Variants in MDGA2 observed in about 807,000 individuals in gnomAD.
The protein encoded by MDGA2 is MAM domain containing glycosylphosphatidylinositol anchor 2.
A neutral mutation model predicts 117.8 loss-of-function variants in MDGA2; 40 were observed. That is an observed-to-expected ratio of 0.34 (90% CI 0.26 to 0.44). The LOEUF (loss-of-function observed/expected upper bound fraction) is 0.44. MDGA2 is among the 20% of genes least tolerant of loss of function. The probability of loss-of-function intolerance (pLI) is 1.00; values close to 1 mark genes in which losing one functional copy is unlikely to be tolerated. For missense variants in MDGA2, 1,123 were observed against 1,250.6 expected, an observed-to-expected ratio of 0.90 and a Z score of 1.54; for synonymous variants, 452 against 439.0, an observed-to-expected ratio of 1.03 and a Z score of -0.37.
chr14:47,151,682 A>T (rs1883169507), intron 3 of MDGA2, among the ~76,000 whole-genome samples: 1 of 151,924 alleles, frequency 6.6e-6, no homozygotes, highest in Non-Finnish European at 1.5e-5. Flanking sequence ...ATATTATTTT[A>T]AAAGTGTATG....
chr14:47,483,197 A>T (rs187658301), intron 1 of MDGA2, among the ~76,000 whole-genome samples: 5 of 152,068 alleles, frequency 3.3e-5, no homozygotes, highest in African/African-American at 1.2e-4. Flanking sequence ...AAAACATTTA[A>T]TATCTATTGT....
intron 1 of MDGA2, among the ~76,000 whole-genome samples, chr14:47,657,671 T>C (rs1390416718): frequency 6.6e-6 from 1 of 152,182 alleles, no homozygotes; most frequent in Non-Finnish European, 1.5e-5. Flanking sequence ...TTTCAGAATA[T>C]GTGATATACC....
At chr14:47,663,079 T>C (rs984827313) in intron 1 of MDGA2, among the ~76,000 whole-genome samples, 6 of 152,258 alleles carry the variant, frequency 3.9e-5, no homozygotes, top group African/African-American at 1.4e-4. Flanking sequence ...AATAATGGCG[T>C]AGAGTAACCC....
intron 1 of MDGA2, among the ~76,000 whole-genome samples, chr14:47,629,295 G>GATTCATTTGA (rs1322681909): frequency 1.3e-5 from 2 of 152,186 alleles, no homozygotes; most frequent in African/African-American, 4.8e-5. Flanking sequence ...TAGCAATTCT[G>GATTCATTTGA]ATTCATTTGA....
intron 9 of MDGA2, among the ~76,000 whole-genome samples, chr14:46,938,437 G>A (rs928036998): frequency 3.3e-5 from 5 of 150,064 alleles, no homozygotes; most frequent in African/African-American, 1.2e-4. Context: ...TACTCGGGAG[G>A]GCTGAGGCAG....
intron 2 of MDGA2, among the ~76,000 whole-genome samples, chr14:47,295,963 TA>T (rs1889057153): frequency 6.6e-6 from 1 of 151,508 alleles, no homozygotes; most frequent in East Asian, 2.0e-4. Context: ...GATAGATAGA[TA>T]GATAGATAGA....
At chr14:47,123,741 A>G (rs563583924) in intron 5 of MDGA2, among the ~76,000 whole-genome samples, 1 of 152,214 alleles carries the variant, frequency 6.6e-6, no homozygotes, top group South Asian at 2.1e-4. Flanking sequence ...GTCATCCATA[A>G]AATGATCATG....
chr14:47,613,730 G>A (rs1299082437), intron 1 of MDGA2, among the ~76,000 whole-genome samples: 1 of 152,030 alleles, frequency 6.6e-6, no homozygotes, highest in African/African-American at 2.4e-5. Flanking sequence ...CATCACACGT[G>A]ATGACAATGT....
intron 7 of MDGA2, among the ~76,000 whole-genome samples, chr14:47,041,440 A>G (rs1889065093): frequency 6.6e-6 from 1 of 152,096 alleles, no homozygotes; most frequent in African/African-American, 2.4e-5. Flanking sequence ...TATGCAATGT[A>G]CTTGCTAGAA....
chr14:47,240,384 T>G (rs972287914), intron 2 of MDGA2, among the ~76,000 whole-genome samples: 1 of 151,848 alleles, frequency 6.6e-6, no homozygotes, highest in African/African-American at 2.4e-5. Flanking sequence ...GCTTGTCATG[T>G]TCAGTTTCTT....
chr14:46,884,590 C>A lies in MDGA2; in HGVS notation c.2239-2369G>T, dbSNP rs772923457. ...ATGTGTGCTACAGCACAGTCCTACACAAATGACAAATTAAATAATGGCATG... is the reference window on the plus strand; with the variant it reads ...ATGTGTGCTACAGCACAGTCCTACAAAAATGACAAATTAAATAATGGCATG... On this transcript the variant is annotated intron_variant, in intron 10 of 16. Coordinates refer to ENST00000399232, the MANE Select transcript of MDGA2 (RefSeq NM_001113498.3). The surrounding 1 kb of genome is among the most constrained non-coding windows in gnomAD (Gnocchi z 4.1). Among the ~76,000 whole-genome samples, 9 of 151,998 alleles carry A rather than the reference C, an allele frequency of 5.9e-5. No homozygotes were observed. Among genetic ancestry groups the A allele is most frequent in the Non-Finnish European group, 1.0e-4 (7 of 68,002 alleles).
chr14:47,286,140 T>C (rs915695268), intron 2 of MDGA2, among the ~76,000 whole-genome samples: 1 of 152,136 alleles, frequency 6.6e-6, no homozygotes, highest in Admixed American at 6.5e-5. Flanking sequence ...GTACATGTGA[T>C]GTTTTGATAC....
chr14:47,026,635 A>G (rs1224488106), intron 8 of MDGA2, among the ~76,000 whole-genome samples: 3 of 152,088 alleles, frequency 2.0e-5, no homozygotes, highest in Admixed American at 6.5e-5. Context: ...AGGGGAGATG[A>G]TCATAGTATG....
chr14:47,019,922 T>A (rs139708515), intron 8 of MDGA2, among the ~76,000 whole-genome samples: 2 of 152,252 alleles, frequency 1.3e-5, no homozygotes, highest in East Asian at 3.9e-4. Context: ...AGGATTTGTG[T>A]AGCATTACTA....
intron 1 of MDGA2, among the ~76,000 whole-genome samples, chr14:47,556,344 G>C (rs1247632055): frequency 6.6e-6 from 1 of 152,188 alleles, no homozygotes; most frequent in East Asian, 1.9e-4. Flanking sequence ...ATCTGCAAAA[G>C]TCATTCCAAA....
intron 9 of MDGA2, among the ~76,000 whole-genome samples, chr14:46,952,869 A>G (rs1056942429): frequency 3.9e-5 from 6 of 151,972 alleles, no homozygotes; most frequent in African/African-American, 1.4e-4. Flanking sequence ...ATATTAATGA[A>G]TGCTTTGAAG....
At position 47,674,819 on chromosome 14, in the gene MDGA2, TCACA is replaced by T. The variant is rs898246661; in HGVS notation, c.-27_-24del. The T allele has an allele frequency of 4.7e-5, 30 of 641,912 alleles. No individual in the cohort carries two copies. The highest frequency in any genetic ancestry group is 1.4e-4 in the East Asian group (5 of 35,394). 39.8% of individuals were successfully genotyped at this position (641,912 alleles called of 1,614,324 possible). On this transcript the variant is annotated 5_prime_UTR_variant, in exon 1 of 17. Transcript: ENST00000399232. ...CATGCACACACACACTCACACACAC[TCACA>T]CACTCTCCCACAACACAATACCCTG...
intron 1 of MDGA2, among the ~76,000 whole-genome samples, chr14:47,550,361 T>TAGG (rs1453887112): frequency 6.6e-6 from 1 of 152,262 alleles, no homozygotes; most frequent in Non-Finnish European, 1.5e-5. Context: ...GCTGTGGCTA[T>TAGG]AGGATACAGT....
rs1317365777 is a variant in MDGA2 at position 47,153,722 on chromosome 14, A to C, written c.596-9448T>G. Among the ~76,000 whole-genome samples the C allele has an allele frequency of 3.9e-5, 6 of 151,966 alleles. No homozygotes were observed. The South Asian group carries it at 8.3e-4, about 21-fold the overall frequency. ...AAAGAAAAGAAATAAAAAAAAAAAAAAAACAGTTGGGCGGGAGGGCTTTGT... is the reference window on the plus strand; with the variant it reads ...AAAGAAAAGAAATAAAAAAAAAAAACAAACAGTTGGGCGGGAGGGCTTTGT... On this transcript the variant is annotated intron_variant, in intron 3 of 16. Transcript: ENST00000399232.
Sources: allele counts gnomAD v4.1 joint callset (sites outside exome capture counted in the v4.1 genomes callset), GRCh38; gene constraint gnomAD v4.1.1; non-coding constraint Gnocchi (gnomAD v3.1); transcripts MANE v1.5; gene names NCBI Gene and HGNC (gene_info 2026-07-23, HGNC 2026-07-21).